The following PRIMA1 variants were observed in gnomAD, a reference collection of about 807,000 sequenced individuals.
PRIMA1 encodes proline rich membrane anchor 1, also known as proline-rich membrane anchor 1.
Under a neutral mutation model 17.5 loss-of-function variants are expected in PRIMA1, and 7 were observed. The ratio of observed to expected loss-of-function variants is 0.40; its 90% CI spans 0.23 to 0.75. The LOEUF is 0.75. Among genes scored for constraint, PRIMA1 ranks in the 30% least tolerant of loss-of-function variants. The probability of loss-of-function intolerance (pLI) is 0.37; values close to 1 mark genes in which losing one functional copy is unlikely to be tolerated. For synonymous variants in PRIMA1, 97 were observed against 77.9 expected, an observed-to-expected ratio of 1.25 and a Z score of -1.29; for missense variants, 200 against 201.8, an observed-to-expected ratio of 0.99 and a Z score of 0.05.
chr14:93,788,913 G>A (rs1029137833), upstream of PRIMA1, among the ~76,000 whole-genome samples: 2 of 152,252 alleles, frequency 1.3e-5, no homozygotes, highest in Non-Finnish European at 2.9e-5. Context: ...GGGGCACTGG[G>A]GTGCCCGAGC....
At chr14:93,742,868 G>T (rs1248011804) in intron 3 of PRIMA1, among the ~76,000 whole-genome samples, 1 of 152,128 alleles carries the variant, frequency 6.6e-6, no homozygotes, top group Non-Finnish European at 1.5e-5. Flanking sequence ...CACAGCCAGG[G>T]GCCTTGCGAC....
At chr14:93,742,911 T>A (rs888292114) in intron 3 of PRIMA1, among the ~76,000 whole-genome samples, 3 of 152,148 alleles carry the variant, frequency 2.0e-5, no homozygotes, top group African/African-American at 7.2e-5. Flanking sequence ...CATACTAATG[T>A]ATGACCCGGG....
intron 4 of PRIMA1, among the ~76,000 whole-genome samples, chr14:93,736,332 C>T (rs2076149815): frequency 6.6e-6 from 1 of 152,212 alleles, no homozygotes; most frequent in Admixed American, 6.5e-5. Context: ...ACCTCCTCTG[C>T]AAAATGGAGC....
At chr14:93,773,783 G>C (rs564913873) in intron 3 of PRIMA1, among the ~76,000 whole-genome samples, 1 of 152,260 alleles carries the variant, frequency 6.6e-6, no homozygotes, top group Admixed American at 6.5e-5. Context: ...GTGGGGGAGG[G>C]AAGTCAGGAC....
intron 3 of PRIMA1, among the ~76,000 whole-genome samples, chr14:93,760,512 A>C (rs750602666): frequency 6.6e-6 from 1 of 151,894 alleles, no homozygotes; most frequent in Non-Finnish European, 1.5e-5. Flanking sequence ...TCGGAGGCAG[A>C]GTTTAGTGCC....
At chr14:93,727,108 A>G (rs1439130015) in intron 4 of PRIMA1, among the ~76,000 whole-genome samples, 1 of 152,030 alleles carries the variant, frequency 6.6e-6, no homozygotes, top group East Asian at 1.9e-4. Flanking sequence ...GGGGTGGGAG[A>G]CAGGCATGCG....
At position 93,726,551 on chromosome 14, in the gene PRIMA1, C is replaced by T. The variant is rs2076077376; in HGVS notation, c.360-5005G>A. ...GTACACATAGACACATGTACACATG[C>T]ACAAATCCACATACACACACACTAT... is the stretch of plus-strand genomic sequence containing the variant. On this transcript the variant is annotated intron_variant, in intron 4 of 4. Transcript: ENST00000393140. This position sits in a 1 kb window ranked among gnomAD's most constrained non-coding sequence, Gnocchi z 4.2. 2.0e-5 allele frequency among the ~76,000 whole-genome samples: 3 copies of T among 152,084 alleles called. No homozygotes were observed. The highest frequency in any genetic ancestry group is 2.9e-5 in the Non-Finnish European group (2 of 68,012).
chr14:93,762,741 G>A (rs1566973398), intron 3 of PRIMA1, among the ~76,000 whole-genome samples: 2 of 151,986 alleles, frequency 1.3e-5, no homozygotes, highest in African/African-American at 2.4e-5. Flanking sequence ...TACCTTACAC[G>A]GGCTCCCCAC....
chr14:93,769,766 A>G (rs1277750362), intron 3 of PRIMA1, among the ~76,000 whole-genome samples: 1 of 152,238 alleles, frequency 6.6e-6, no homozygotes, highest in Admixed American at 6.5e-5. Flanking sequence ...GGTTTGCACC[A>G]GCAGCAGGGA....
intron 3 of PRIMA1, among the ~76,000 whole-genome samples, chr14:93,747,854 T>C (rs1238725403): frequency 6.8e-6 from 1 of 147,752 alleles, no homozygotes; most frequent in Admixed American, 6.7e-5. Flanking sequence ...AGTGTGTGTA[T>C]GAGTGTGTGT....
At chr14:93,753,639 C>G (rs1226366300) in intron 3 of PRIMA1, among the ~76,000 whole-genome samples, 1 of 152,160 alleles carries the variant, frequency 6.6e-6, no homozygotes, top group East Asian at 1.9e-4. Context: ...CTAGCAGAAC[C>G]TCGCCATCTT....
intron 3 of PRIMA1, among the ~76,000 whole-genome samples, chr14:93,754,343 T>C (rs2076278129): frequency 6.6e-6 from 1 of 151,472 alleles, no homozygotes; most frequent in Non-Finnish European, 1.5e-5. Context: ...CATGTCCCAC[T>C]GCAAACCAGG....
chr14:93,776,732 C>T (rs1449102844), intron 3 of PRIMA1, among the ~76,000 whole-genome samples: 6 of 152,242 alleles, frequency 3.9e-5, no homozygotes, highest in Non-Finnish European at 8.8e-5. Context: ...AGCACTCAAA[C>T]ACATTGAAAC....
intron 4 of PRIMA1, among the ~76,000 whole-genome samples, chr14:93,736,075 T>A (rs2076148344): frequency 6.6e-6 from 1 of 152,320 alleles, no homozygotes; most frequent in South Asian, 2.1e-4. Flanking sequence ...CCTTCTGGCC[T>A]CAAAGAAGCA....
At chr14:93,725,086 G>C (rs2076065635) in intron 4 of PRIMA1, among the ~76,000 whole-genome samples, 2 of 152,158 alleles carry the variant, frequency 1.3e-5, no homozygotes, top group Admixed American at 1.3e-4. Flanking sequence ...AGTGAGCCTG[G>C]CAGGAGGACC....
intron 2 of PRIMA1, among the ~76,000 whole-genome samples, chr14:93,783,396 C>T (rs1315541652): frequency 3.9e-5 from 6 of 152,246 alleles, no homozygotes; most frequent in Admixed American, 3.9e-4. Flanking sequence ...TGGGGAAACA[C>T]AGGATCTGTC....
intron 3 of PRIMA1, among the ~76,000 whole-genome samples, chr14:93,776,479 T>A (rs1035013134): frequency 1.6e-4 from 25 of 152,158 alleles, no homozygotes; most frequent in African/African-American, 6.0e-4. Flanking sequence ...TCTTGGATGG[T>A]CTGGGGTCTG....
intron 4 of PRIMA1, among the ~76,000 whole-genome samples, chr14:93,732,605 C>T (rs2076121978): frequency 6.6e-6 from 1 of 152,186 alleles, no homozygotes; most frequent in Non-Finnish European, 1.5e-5. Context: ...CTCCTGTAGC[C>T]CAGTGCCTGG....
chr14:93,782,753 C>T (rs1359437410), intron 2 of PRIMA1, among the ~76,000 whole-genome samples: 2 of 152,236 alleles, frequency 1.3e-5, no homozygotes, highest in African/African-American at 2.4e-5. Flanking sequence ...TTATGCCTGA[C>T]GGCTGAGCCC....
Sources: allele counts gnomAD v4.1 joint callset (sites outside exome capture counted in the v4.1 genomes callset), GRCh38; gene constraint gnomAD v4.1.1; non-coding constraint Gnocchi (gnomAD v3.1); transcripts MANE v1.5; gene names NCBI Gene and HGNC (gene_info 2026-07-23, HGNC 2026-07-21).